The following NUDCD1 variants were observed in gnomAD, a reference collection of about 807,000 sequenced individuals.
The protein encoded by NUDCD1 is nudC domain-containing protein 1.
NUDCD1 carries 60 observed loss-of-function variants against 67.8 expected under a neutral mutation model. The ratio of observed to expected loss-of-function variants is 0.88; its 90% confidence interval spans 0.72 to 1.10. The LOEUF (loss-of-function observed/expected upper bound fraction) is 1.10. Among genes scored for constraint, NUDCD1 ranks in the 50% least tolerant of loss-of-function variants. The pLI is 0.00. For synonymous variants in NUDCD1, 244 were observed against 230.8 expected (o/e 1.06, Z -0.52); for missense variants, 643 against 695.0 (o/e 0.93, Z 0.84).
At chr8:109,291,773 A>C (rs1814717962) in intron 4 of NUDCD1, among the ~76,000 whole-genome samples, 1 of 152,150 alleles carries the variant, frequency 6.6e-6, no homozygotes, top group Non-Finnish European at 1.5e-5. Context: ...AAAGAAACGA[A>C]GACAAACGGG....
chr8:109,247,304 CAAT>C (rs573335407), intron 8 of NUDCD1, among the ~76,000 whole-genome samples: 218 of 152,230 alleles, frequency 1.4e-3, no homozygotes, highest in African/African-American at 5.1e-3. Flanking sequence ...ATTTTCACAA[CAAT>C]ACATCTACTT....
intron 8 of NUDCD1, among the ~76,000 whole-genome samples, chr8:109,270,078 G>GCT (rs1423360799): frequency 4.8e-5 from 4 of 82,680 alleles, no homozygotes; most frequent in East Asian, 8.1e-4. Flanking sequence ...GGGGGGGGGG[G>GCT]GGGGTGCCTT....
At chr8:109,247,485 G>A (rs887247280) in intron 8 of NUDCD1, among the ~76,000 whole-genome samples, 6 of 152,112 alleles carry the variant, frequency 3.9e-5, no homozygotes, top group Admixed American at 3.3e-4. Flanking sequence ...GAAAATAAGA[G>A]GATAAGAATG....
chr8:109,326,130 C>A (rs1815676453), intron 1 of NUDCD1, among the ~76,000 whole-genome samples: 1 of 152,240 alleles, frequency 6.6e-6, no homozygotes, highest in South Asian at 2.1e-4. Context: ...TTCTTCATAT[C>A]TGTGCAAAGA....
intron 2 of NUDCD1, among the ~76,000 whole-genome samples, chr8:109,319,100 A>G (rs1256192573): frequency 6.6e-6 from 1 of 151,620 alleles, no homozygotes; most frequent in African/African-American, 2.4e-5. Context: ...CAGCCTCCTG[A>G]GTAGCTGGGA....
At chr8:109,323,592 T>C (rs1477311879) in intron 1 of NUDCD1, among the ~76,000 whole-genome samples, 3 of 152,120 alleles carry the variant, frequency 2.0e-5, no homozygotes, top group East Asian at 1.9e-4. Flanking sequence ...AGAGTTCTAT[T>C]TGGGGAGATT....
At chr8:109,255,552 T>C (rs1310934212) in intron 8 of NUDCD1, among the ~76,000 whole-genome samples, 2 of 151,828 alleles carry the variant, frequency 1.3e-5, no homozygotes, top group Non-Finnish European at 2.9e-5. Context: ...TTGAAAATTA[T>C]CAAATTAGGT....
In NUDCD1 at chr8:109,242,133, G is replaced by A. The variant is rs1406501707; in HGVS notation, c.*876C>T. On this transcript the variant is annotated 3_prime_UTR_variant, in exon 10 of 10. Coordinates refer to ENST00000239690, the MANE Select transcript of NUDCD1 (RefSeq NM_032869.4). ...ATACCATCCGCTGTCAGCTTGTGTA[G>A]TCCCCTCATTCTGACTCTAGACTTG... The A allele has an allele frequency of 2.8e-5, 11 of 397,968 alleles. No individual in the cohort carries two copies. Among genetic ancestry groups the A allele is most frequent in the Non-Finnish European group, 2.2e-5 (5 of 225,726 alleles). The allele number at this position is 397,968 out of a possible 1,614,324, so 24.7% of individuals were successfully genotyped here. A position where few individuals can be genotyped will look rare whatever the true frequency, so the allele number is the denominator to read the frequency against.
At chr8:109,303,453 AT>A (rs1308414687) in intron 2 of NUDCD1, among the ~76,000 whole-genome samples, 1 of 152,148 alleles carries the variant, frequency 6.6e-6, no homozygotes, top group Non-Finnish European at 1.5e-5. Context: ...TGTTGTGAGT[AT>A]TGACGGCCAG....
chr8:109,312,156 G>C (rs542125717), intron 2 of NUDCD1, among the ~76,000 whole-genome samples: 1 of 152,000 alleles, frequency 6.6e-6, no homozygotes, highest in African/African-American at 2.4e-5. Context: ...ACAAAAATTA[G>C]ACAGGTGTGG....
At chr8:109,324,888 C>T (rs1815635616) in intron 1 of NUDCD1, among the ~76,000 whole-genome samples, 1 of 152,116 alleles carries the variant, frequency 6.6e-6, no homozygotes, top group Non-Finnish European at 1.5e-5. Context: ...AGATTGAGAC[C>T]ATCCTGGCCA....
chr8:109,291,744 G>A (rs1016583913), intron 4 of NUDCD1, among the ~76,000 whole-genome samples: 2 of 152,150 alleles, frequency 1.3e-5, no homozygotes, highest in African/African-American at 4.8e-5. Context: ...TAGTCTCAAT[G>A]TATTTGTCCA....
chr8:109,286,885 T>C (rs577788513), intron 5 of NUDCD1, among the ~76,000 whole-genome samples: 2 of 152,222 alleles, frequency 1.3e-5, no homozygotes, highest in South Asian at 2.1e-4. Flanking sequence ...AGAAGTCTAA[T>C]ATCAAGGCTC....
chr8:109,309,771 A>G (rs530594799), intron 2 of NUDCD1, among the ~76,000 whole-genome samples: 1 of 152,296 alleles, frequency 6.6e-6, no homozygotes, highest in South Asian at 2.1e-4. Flanking sequence ...TTCCAGATAC[A>G]AACTTAATAT....
Position 109,275,507 on chromosome 8 carries a change from A to G in NUDCD1, c.1029-11T>C, listed in dbSNP as rs779856222. Reference sequence around the variant, plus strand: ...AAGGAAATCTCCAAGCTAGAAGTTTAAATGGGAAAAGTAATGTTACATTAA... The same window carrying G: ...AAGGAAATCTCCAAGCTAGAAGTTTGAATGGGAAAAGTAATGTTACATTAA... On this transcript the variant is annotated splice_polypyrimidine_tract_variant and intron_variant, in intron 6 of 9. Transcript: ENST00000239690. 1 of 1,604,070 alleles carries G rather than the reference A, an allele frequency of 6.2e-7. No individual in the cohort carries two copies. Among genetic ancestry groups the G allele is most frequent in the Non-Finnish European group, 8.5e-7 (1 of 1,174,384 alleles).
At position 109,243,155 on chromosome 8, in the gene NUDCD1, C is replaced by T. The variant is rs1348376724; in HGVS notation, c.1606G>A (p.Gly536Ser). 1.2e-6 allele frequency: 2 copies of T among 1,613,896 alleles called. No homozygotes were observed. The highest frequency in any genetic ancestry group is 2.2e-5 in the East Asian group (1 of 44,874). Residue 536 changes from glycine (G) to serine (S), a missense_variant, in exon 10 of 10, where the codon GGC (glycine) becomes AGC (serine). Gly to Ser is a moderately conservative substitution (Grantham distance 56). Coordinates refer to ENST00000239690, the MANE Select transcript of NUDCD1 (RefSeq NM_032869.4). ...MSTVLYNRKE[G>S]RQVGQVAKQQ... ...TTAGCAACCTGTCCTACTTGCCTGC[C>T]TTCCTTTCTGTTGTAAAGTACAGTG... is the stretch of plus-strand genomic sequence containing the variant.
intron 2 of NUDCD1, among the ~76,000 whole-genome samples, chr8:109,303,625 C>T (rs1326046620): frequency 1.4e-5 from 2 of 142,284 alleles, no homozygotes; most frequent in Admixed American, 7.1e-5. Flanking sequence ...CTACAGCCAC[C>T]CCTCATTGCC....
chr8:109,281,080 A>T lies in NUDCD1; in HGVS notation c.916T>A (p.Phe306Ile). Residue 306 changes from phenylalanine to isoleucine, a missense_variant, in exon 6 of 10, where the codon TTT becomes ATT. Transcript: ENST00000239690. The stretch of plus-strand genomic sequence containing the variant: ...ACAATGTTGATGTGATCAGGCAAAA[A>T]CTGTATTTGAATGTCCTCCTTAGTA... Reference protein sequence around the residue: ...DSTKEDIQIQFLPDHINIVLK... With the variant: ...DSTKEDIQIQILPDHINIVLK... 2.5e-6 allele frequency: 4 copies of T among 1,613,056 alleles called. No individual in the cohort carries two copies. The highest frequency in any genetic ancestry group is 3.4e-6 in the Non-Finnish European group (4 of 1,179,190).
chr8:109,325,630 G>A (rs944953014), intron 1 of NUDCD1, among the ~76,000 whole-genome samples: 8 of 152,184 alleles, frequency 5.3e-5, no homozygotes, highest in Non-Finnish European at 1.0e-4. Flanking sequence ...AGGCCACACT[G>A]GCCGAAATGC....
Sources: gnomAD v4.1 joint callset for allele counts (sites outside exome capture counted in the v4.1 genomes callset) on GRCh38, gnomAD v4.1.1 for gene constraint, MANE v1.5 for transcripts, NCBI Gene and HGNC (gene_info 2026-07-23, HGNC 2026-07-21) for gene names.